The following PWWP2A variants were observed in gnomAD, a reference collection of about 807,000 sequenced individuals.
PWWP2A encodes PWWP domain containing 2A.
PWWP2A carries 18 observed loss-of-function variants against 48.5 expected under a neutral mutation model. That is an observed-to-expected ratio of 0.37 (90% CI 0.26 to 0.55). The LOEUF (loss-of-function observed/expected upper bound fraction) is 0.55, where lower values mean the gene tolerates loss of function less well. Ranked by LOEUF, PWWP2A falls within the 20% of genes least tolerant of loss-of-function variation. PWWP2A has a pLI of 0.81. For synonymous variants in PWWP2A, 396 were observed against 387.7 expected, an observed-to-expected ratio of 1.02 and a Z score of -0.25; for missense variants, 867 against 976.4, an observed-to-expected ratio of 0.89 and a Z score of 1.49.
intron 4 of PWWP2A, chr5:160,064,806 A>G: frequency 9.9e-7 from 1 of 1,009,312 alleles, no homozygotes; most frequent in South Asian, 1.7e-5. Flanking sequence ...TATTAAAAGT[A>G]GGCATTTCTT....
downstream of PWWP2A, among the ~76,000 whole-genome samples, chr5:160,058,063 G>A (rs1030541352): frequency 6.6e-6 from 1 of 152,188 alleles, no homozygotes; most frequent in Non-Finnish European, 1.5e-5. Context: ...CACTGTGCCC[G>A]GCCAGTTTAT....
At chr5:160,105,239 C>CAAAAAAAAA (rs70990704) in intron 1 of PWWP2A, among the ~76,000 whole-genome samples, 1 of 48,962 alleles carries the variant, frequency 2.0e-5, no homozygotes. Context: ...GTCTCTAAGG[C>CAAAAAAAAA]AAAAAAAAAA....
chr5:160,078,174 ATATAG>A lies in PWWP2A; in HGVS notation c.1670-11_1670-7del, dbSNP rs1229712878. On this transcript the variant is annotated splice_polypyrimidine_tract_variant and splice_region_variant and intron_variant, in intron 3 of 3. Coordinates refer to the PWWP2A transcript ENST00000456329. This position sits in a 1 kb window ranked among gnomAD's most constrained non-coding sequence, Gnocchi z 4.2. The stretch of plus-strand genomic sequence containing the variant: ...AGCCTGCTAATGTCTTTGTGCTGAA[ATATAG>A]TAAAGAAAAGGAAGAAAATGTCGTT... The A allele has an allele frequency of 1.9e-6, 3 of 1,553,136 alleles. No individual in the cohort carries two copies. Among genetic ancestry groups the A allele is most frequent in the Non-Finnish European group, 2.6e-6 (3 of 1,146,194 alleles).
intron 1 of PWWP2A, among the ~76,000 whole-genome samples, chr5:160,102,917 C>A (rs1756466394): frequency 6.6e-6 from 1 of 152,056 alleles, no homozygotes; most frequent in African/African-American, 2.4e-5. Flanking sequence ...GAATAAAAAA[C>A]ACATTGAAGG....
At chr5:160,048,454 C>T in the PWWP2A span, among the ~76,000 whole-genome samples, 2 of 152,072 alleles carry the variant, frequency 1.3e-5, no homozygotes, top group Admixed American at 1.3e-4. Context: ...CACACCCGGC[C>T]AGCACTGCTT....
At chr5:160,050,229 C>T in the PWWP2A span, among the ~76,000 whole-genome samples, 1 of 152,160 alleles carries the variant, frequency 6.6e-6, no homozygotes, top group African/African-American at 2.4e-5. Flanking sequence ...GGGCGGATCA[C>T]CTGAGGTCGG....
Position 160,092,921 on chromosome 5 carries a change from A to G in PWWP2A, c.1729T>C (p.Ser577Pro), listed in dbSNP as rs1296994310. 1.3e-6 allele frequency: 2 copies of G among 1,551,734 alleles called. No individual in the cohort carries two copies. Among genetic ancestry groups the G allele is most frequent in the Admixed American group, 2.0e-5 (1 of 51,008 alleles). The change falls in exon 2 of 2, where the codon TCT (serine) becomes CCT (proline). Residue 577 changes from serine to proline, a missense_variant. Ser to Pro is a moderately conservative substitution (Grantham distance 74). Around this residue, in one of 4 missense-constraint regions of PWWP2A, gnomAD observed 382 missense variants for 407.2 expected, o/e 0.94. Transcript: ENST00000307063. ...YMTLNQKKSD[S>P]SSASVCSIDS... The stretch of plus-strand genomic sequence containing the variant: ...ATGCTACACACTGAAGCACTGGAAG[A>G]GTCAGATTTCTTTTGATTTAGGGTC...
the PWWP2A span, among the ~76,000 whole-genome samples, chr5:160,045,150 G>A: frequency 6.6e-6 from 1 of 152,002 alleles, no homozygotes; most frequent in African/African-American, 2.4e-5. Context: ...GTAACCAAAT[G>A]GTGAAAAAAT....
In PWWP2A at chr5:160,093,515, T is replaced by G; in HGVS notation, c.1135A>C (p.Ser379Arg). The G allele has an allele frequency of 6.2e-7, 1 of 1,613,988 alleles. No homozygotes were observed. The highest frequency in any genetic ancestry group is 1.1e-5 in the South Asian group (1 of 91,072). The change falls in exon 2 of 2, where the codon AGC (serine) becomes CGC (arginine). Residue 379 changes from serine to arginine, a missense_variant. Around this residue, in one of 4 missense-constraint regions of PWWP2A, gnomAD observed 382 missense variants for 407.2 expected, o/e 0.94. Transcript: ENST00000307063. This position sits in a 1 kb window ranked among gnomAD's most constrained non-coding sequence, Gnocchi z 5.8. ...HKVDGKNQNESQKRNAVVKVS... is the reference protein window; with the variant it reads ...HKVDGKNQNERQKRNAVVKVS... The stretch of plus-strand genomic sequence containing the variant: ...TTAACCACAGCATTTCTTTTCTGGC[T>G]TTCATTTTGGTTTTTCCCATCCACT...
At chr5:160,084,269 C>T (rs1754455527) in intron 2 of PWWP2A, among the ~76,000 whole-genome samples, 1 of 152,084 alleles carries the variant, frequency 6.6e-6, no homozygotes, top group African/African-American at 2.4e-5. Context: ...TTGGGAGTAA[C>T]CTGCCTAAGA....
chr5:160,060,331 T>C (rs1757664616), downstream of PWWP2A, among the ~76,000 whole-genome samples: 1 of 152,228 alleles, frequency 6.6e-6, no homozygotes. Context: ...GTTATGGTGA[T>C]ATGCTACTTG....
chr5:160,058,599 G>C (rs534928662), downstream of PWWP2A, among the ~76,000 whole-genome samples: 1 of 151,874 alleles, frequency 6.6e-6, no homozygotes, highest in East Asian at 1.9e-4. Context: ...TTTTAGTAGA[G>C]ACAGGGTTTC....
chr5:160,109,774 A>ATATATATATATATATATAT (rs1284977515), intron 1 of PWWP2A, among the ~76,000 whole-genome samples: 1 of 25,224 alleles, frequency 4.0e-5, no homozygotes, highest in Non-Finnish European at 7.1e-5. Flanking sequence ...AAAAAAAAAA[A>ATATATATATATATATATAT]ATATATATAT....
At chr5:160,064,289 T>C (rs1753532024) in intron 4 of PWWP2A, among the ~76,000 whole-genome samples, 1 of 152,130 alleles carries the variant, frequency 6.6e-6, no homozygotes, top group Non-Finnish European at 1.5e-5. Context: ...ACCCAAGTCG[T>C]GTAAATAAAG....
downstream of PWWP2A, among the ~76,000 whole-genome samples, chr5:160,060,706 G>A (rs899797591): frequency 6.6e-6 from 1 of 152,178 alleles, no homozygotes; most frequent in Non-Finnish European, 1.5e-5. Flanking sequence ...GCAGAAAAAC[G>A]TATGCATGTG....
At chr5:160,070,583 G>C (rs1011749182) in intron 2 of PWWP2A, among the ~76,000 whole-genome samples, 5 of 152,140 alleles carry the variant, frequency 3.3e-5, no homozygotes, top group Non-Finnish European at 5.9e-5. Context: ...TTTGCTCCTT[G>C]TCCCATTCCC....
In PWWP2A at chr5:160,108,654, T is replaced by G. The variant is rs1450247140; in HGVS notation, c.584+10151A>C. ...AATCATTGTCTTGGTTTATATTTCC[T>G]CAAAAAACACGTAAATTTTCTACAA... On this transcript the variant is annotated intron_variant, in intron 1 of 1. Coordinates refer to ENST00000307063, the MANE Select transcript of PWWP2A (RefSeq NM_001130864.2). 8 of 1,119,028 alleles carry G rather than the reference T, an allele frequency of 7.1e-6. No homozygotes were observed. The South Asian group carries it at 9.2e-5, about 13-fold the overall frequency. 69.3% of individuals were successfully genotyped at this position (1,119,028 alleles called of 1,614,324 possible). A position where few individuals can be genotyped will look rare whatever the true frequency, so the allele number is the denominator to read the frequency against.
Position 160,078,741 on chromosome 5 carries a change from G to A in PWWP2A, c.1670-573C>T, listed in dbSNP as rs140793777. ...TCCCCAGAAGTAGACACAGCACATC[G>A]GAAGGCATGAAGAGCACCATTTTGA... On this transcript the variant is annotated intron_variant, in intron 3 of 3. Transcript: ENST00000456329. This position sits in a 1 kb window ranked among gnomAD's most constrained non-coding sequence, Gnocchi z 4.2. Among the ~76,000 whole-genome samples the A allele has an allele frequency of 2.4e-3, 366 of 152,276 alleles. 2 individuals are homozygous for A. Among genetic ancestry groups the A allele is most frequent in the African/African-American group, 7.7e-3 (319 of 41,546 alleles).
At chr5:160,089,541 C>T (rs1368794959), downstream of PWWP2A, 5 of 1,286,520 alleles carry the variant, frequency 3.9e-6, no homozygotes, top group Non-Finnish European at 5.1e-6. Context: ...GTCTTTGGTT[C>T]CACATCTGTA....
Sources: allele counts gnomAD v4.1 joint callset (sites outside exome capture counted in the v4.1 genomes callset), GRCh38; gene constraint gnomAD v4.1.1; regional missense constraint gnomAD v4.1.1; non-coding constraint Gnocchi (gnomAD v3.1); transcripts MANE v1.5; gene names NCBI Gene and HGNC (gene_info 2026-07-23, HGNC 2026-07-21).